PCDHA3: variants seen among roughly 807,000 people sequenced by gnomAD.
PCDHA3 encodes protocadherin alpha 3.
In PCDHA3, 41 loss-of-function variants were observed where a neutral mutation model predicts 62.2. The ratio of observed to expected loss-of-function variants is 0.66; its 90% CI spans 0.51 to 0.86. The LOEUF (loss-of-function observed/expected upper bound fraction) is 0.86. Among genes scored for constraint, PCDHA3 ranks in the 40% least tolerant of loss-of-function variants. PCDHA3 has a pLI of 0.00. For synonymous variants in PCDHA3, 640 were observed against 555.4 expected (o/e 1.15, Z -2.14); for missense variants, 1,304 against 1,241.2 (o/e 1.05, Z -0.76).
chr5:140,841,831 C>A, intron 1 of PCDHA3: 1 of 1,613,930 alleles, frequency 6.2e-7, no homozygotes, highest in Non-Finnish European at 8.5e-7. Context: ...TGTTAACCTA[C>A]AGGCTTAGCT....
At chr5:140,998,210 A>G (rs2097801454) in intron 3 of PCDHA3, among the ~76,000 whole-genome samples, 1 of 152,218 alleles carries the variant, frequency 6.6e-6, no homozygotes, top group South Asian at 2.1e-4. Flanking sequence ...TTTAATCTGT[A>G]TAACCACACC....
chr5:140,967,310 G>A (rs2096126313), intron 1 of PCDHA3: 1 of 1,611,338 alleles, frequency 6.2e-7, no homozygotes, highest in East Asian at 2.2e-5. Context: ...CGCCAACTCA[G>A]TACAGACCTA....
At chr5:140,890,226 G>C (rs1339541830) in intron 1 of PCDHA3, among the ~76,000 whole-genome samples, 7 of 152,100 alleles carry the variant, frequency 4.6e-5, no homozygotes, top group Admixed American at 4.6e-4. Context: ...AGACCTAGTT[G>C]TTAAGCATTT....
intron 1 of PCDHA3, among the ~76,000 whole-genome samples, chr5:140,890,167 A>G (rs1423577741): frequency 6.6e-6 from 1 of 152,174 alleles, no homozygotes; most frequent in East Asian, 1.9e-4. Context: ...CTGCCACAGA[A>G]ATAGGCAAAT....
chr5:140,931,864 T>G (rs1554208617), intron 1 of PCDHA3, among the ~76,000 whole-genome samples: 1 of 151,976 alleles, frequency 6.6e-6, no homozygotes, highest in African/African-American at 2.4e-5. Flanking sequence ...ATTCTAGAAA[T>G]AAAATATTTA....
chr5:140,993,460 TCTCA>T (rs200310897), intron 3 of PCDHA3, among the ~76,000 whole-genome samples: 2,027 of 104,544 alleles, frequency 0.019, 23 homozygotes, highest in Admixed American at 0.035. Flanking sequence ...CTTCTTTCTT[TCTCA>T]CACACACACA....
chr5:140,876,408 G>C (rs781814727), intron 1 of PCDHA3: 1 of 1,613,942 alleles, frequency 6.2e-7, no homozygotes, highest in South Asian at 1.1e-5. Flanking sequence ...ATTTTGAAGA[G>C]AATAATGCCT....
intron 1 of PCDHA3, among the ~76,000 whole-genome samples, chr5:140,896,597 G>A (rs577303751): frequency 1.3e-5 from 2 of 151,484 alleles, no homozygotes; most frequent in African/African-American, 4.8e-5. Flanking sequence ...GGCTGGTCTC[G>A]AACTCCTGGT....
chr5:140,985,298 C>T (rs770798262), intron 3 of PCDHA3, among the ~76,000 whole-genome samples: 1 of 152,124 alleles, frequency 6.6e-6, no homozygotes, highest in Non-Finnish European at 1.5e-5. Context: ...ATAGTGTTGG[C>T]TGATAGCCTG....
intron 1 of PCDHA3, chr5:140,814,197 T>C (rs2126652727): frequency 6.6e-6 from 1 of 152,576 alleles, no homozygotes; most frequent in Admixed American, 6.5e-5. Flanking sequence ...TTTTTTTATT[T>C]TTTTCACTTT....
intron 1 of PCDHA3, chr5:140,856,946 G>T: frequency 6.3e-7 from 1 of 1,593,334 alleles, no homozygotes; most frequent in East Asian, 2.2e-5. Context: ...AAGGACGGGA[G>T]AAATAAAAGT....
intron 1 of PCDHA3, among the ~76,000 whole-genome samples, chr5:140,948,862 C>T (rs1419321480): frequency 6.6e-6 from 1 of 151,398 alleles, no homozygotes; most frequent in Admixed American, 6.6e-5. Context: ...TCTTATATTA[C>T]TTCGGGTTTA....
In PCDHA3 at chr5:140,857,482, G is replaced by A. The variant is rs782347083; in HGVS notation, c.2394+53891G>A. On this transcript the variant is annotated intron_variant, in intron 1 of 3. Transcript: ENST00000522353. ...GCTGCCACATCTTCACGGTGTCTGC[G>A]TGGGACGCGGACGCGCAGGAGAACG... 2.3e-5 allele frequency: 36 copies of A among 1,598,422 alleles called. 1 individual carries two copies. The highest frequency in any genetic ancestry group is 2.6e-5 in the Non-Finnish European group (30 of 1,167,890).
rs2098421437 is a variant in PCDHA3, at chr5:141,011,660, T to G, written c.*1723T>G. The G allele has an allele frequency of 6.5e-6, 1 of 153,726 alleles. No individual in the cohort carries two copies. Among genetic ancestry groups the G allele is most frequent in the African/African-American group, 2.4e-5 (1 of 41,436 alleles). The allele number at this position is 153,726 out of a possible 1,614,324, so 9.5% of individuals were successfully genotyped here. On this transcript the variant is annotated 3_prime_UTR_variant, in exon 4 of 4. Coordinates refer to ENST00000522353, the MANE Select transcript of PCDHA3 (RefSeq NM_018906.3). ...GCCAAGACTTCTGCTGGCAAGGGAATGGATAAAGCTGTTTTGTTCTAGTAA... is the reference window on the plus strand; with the variant it reads ...GCCAAGACTTCTGCTGGCAAGGGAAGGGATAAAGCTGTTTTGTTCTAGTAA...
chr5:140,988,864 C>T (rs1017144453), intron 3 of PCDHA3: 2 of 152,190 alleles, frequency 1.3e-5, no homozygotes, highest in Non-Finnish European at 2.9e-5. Flanking sequence ...GTCTCATGTG[C>T]ACTCAGATGT....
At chr5:140,862,329 T>C (rs1305735393) in intron 1 of PCDHA3, 1 of 327,554 alleles carries the variant, frequency 3.1e-6, no homozygotes, top group Non-Finnish European at 6.0e-6. Context: ...ATCAGTGTAA[T>C]TGACCCTAAC....
intron 1 of PCDHA3, chr5:140,967,277 A>G: frequency 6.2e-7 from 1 of 1,613,326 alleles, no homozygotes; most frequent in African/African-American, 1.3e-5. Context: ...TCACATAGAG[A>G]GTGCGCAGGA....
At chr5:140,834,374 A>G (rs1309560066) in intron 1 of PCDHA3, 2 of 1,560,000 alleles carry the variant, frequency 1.3e-6, no homozygotes, top group Non-Finnish European at 1.7e-6. Flanking sequence ...AAACAAGCCA[A>G]TAATTTGAAA....
rs782398049 is a variant in PCDHA3 at position 140,803,402 on chromosome 5, C to G, written c.2205C>G (p.Gly735=). ...APPTEGDCGP[G]KPTLVCSSAV... is the part of the protein sequence containing the mutation. ...CAACCGAAGGCGACTGTGGGCCGGG[C>G]AAGCCCACGCTGGTGTGCTCCAGCG... Residue 735 remains glycine (G), a synonymous_variant, in exon 1 of 4, where the codon GGC becomes GGG. Coordinates refer to ENST00000522353, the MANE Select transcript of PCDHA3 (RefSeq NM_018906.3). 2 of 1,614,114 alleles carry G rather than the reference C, an allele frequency of 1.2e-6. No homozygotes were observed. Among genetic ancestry groups the G allele is most frequent in the Non-Finnish European group, 8.5e-7 (1 of 1,180,060 alleles).
Sources: gnomAD v4.1 joint callset for allele counts (sites outside exome capture counted in the v4.1 genomes callset) on GRCh38, gnomAD v4.1.1 for gene constraint, MANE v1.5 for transcripts, NCBI Gene and HGNC (gene_info 2026-07-23, HGNC 2026-07-21) for gene names.